Variants in CACNA1B observed in about 807,000 individuals in gnomAD.
The protein encoded by CACNA1B is voltage-dependent N-type calcium channel subunit alpha-1B.
In CACNA1B, 70 loss-of-function variants were observed where a neutral mutation model predicts 247.2. The observed-to-expected ratio is 0.28, with a 90% confidence interval of 0.23 to 0.35. The LOEUF (loss-of-function observed/expected upper bound fraction) is 0.35. Ranked by LOEUF, CACNA1B falls within the 10% of genes least tolerant of loss-of-function variation. The pLI, the probability that CACNA1B is intolerant of heterozygous loss-of-function variation, is 1.00. For missense variants in CACNA1B, 2,367 were observed against 3,197.4 expected (o/e 0.74, Z 6.26); for synonymous variants, 1,231 against 1,294.4 (o/e 0.95, Z 1.05).
At chr9:137,975,097 G>T (rs1033126536) in intron 11 of CACNA1B, among the ~76,000 whole-genome samples, 52 of 152,156 alleles carry the variant, frequency 3.4e-4, no homozygotes, top group African/African-American at 1.2e-3. Context: ...CCCTCTTTCT[G>T]CTTGGGCTGG....
intron 36 of CACNA1B, among the ~76,000 whole-genome samples, chr9:138,084,812 C>T (rs374361760): frequency 1.3e-5 from 2 of 150,596 alleles, no homozygotes; most frequent in Admixed American, 6.6e-5. Flanking sequence ...ATTAGCCGGG[C>T]GCGGTGGTGG....
Position 138,020,663 on chromosome 9 carries a change from C to A in CACNA1B, c.2268-2348C>A, listed in dbSNP as rs1178653062. On this transcript the variant is annotated intron_variant, in intron 18 of 46. Transcript: ENST00000371372. This position sits in a 1 kb window ranked among gnomAD's most constrained non-coding sequence, Gnocchi z 4.1. ...AACAGGCCAGGTGGAACCAGTGGGG[C>A]TGCGGGGGGCGGGCAGGTGCCCTAG... 7.9e-5 allele frequency among the ~76,000 whole-genome samples: 12 copies of A among 152,140 alleles called. No homozygotes were observed. The highest frequency in any genetic ancestry group is 7.9e-4 in the Admixed American group (12 of 15,276).
chr9:137,933,045 G>A (rs1204181998), intron 6 of CACNA1B, among the ~76,000 whole-genome samples: 1 of 152,116 alleles, frequency 6.6e-6, no homozygotes, highest in Non-Finnish European at 1.5e-5. Flanking sequence ...CGATTCTTCT[G>A]CCTCAGCCTC....
chr9:138,112,349 C>A, intron 39 of CACNA1B, 49 bp from the exon 40 acceptor site: 1 of 1,396,800 alleles, frequency 7.2e-7, no homozygotes, highest in Non-Finnish European at 1.0e-6. Context: ...TGCAGGGCTG[C>A]TCCTAACATC....
intron 6 of CACNA1B, among the ~76,000 whole-genome samples, chr9:137,946,172 T>C (rs1248469550): frequency 6.6e-6 from 1 of 152,164 alleles, no homozygotes; most frequent in Non-Finnish European, 1.5e-5. Flanking sequence ...GAATTTACCA[T>C]ACAAGATGCC....
chr9:138,001,314 A>G (rs940737718), intron 15 of CACNA1B, among the ~76,000 whole-genome samples: 4 of 86,346 alleles, frequency 4.6e-5, no homozygotes, highest in Non-Finnish European at 8.3e-5. Flanking sequence ...CAAAAACCCT[A>G]CAACCAGGAT....
intron 36 of CACNA1B, among the ~76,000 whole-genome samples, chr9:138,078,822 A>G (rs1198067981): frequency 1.3e-5 from 2 of 152,204 alleles, no homozygotes; most frequent in Non-Finnish European, 2.9e-5. Flanking sequence ...ATTAGGCTGC[A>G]TTTTAAAAGT....
At chr9:137,980,465 G>A (rs1010209524) in intron 12 of CACNA1B, among the ~76,000 whole-genome samples, 9 of 152,348 alleles carry the variant, frequency 5.9e-5, no homozygotes, top group Admixed American at 5.9e-4. Flanking sequence ...AAAAGTCACA[G>A]TCTTGCCCTT....
chr9:138,092,127 G>A (rs941863839), intron 36 of CACNA1B, among the ~76,000 whole-genome samples: 3 of 152,204 alleles, frequency 2.0e-5, no homozygotes, highest in Admixed American at 2.0e-4. Context: ...TTACTGATGA[G>A]GTTCCATGTC....
rs1400428022 is a variant in CACNA1B at position 137,884,968 on chromosome 9, CTCCT to C, written c.530+2086_530+2089del. The stretch of plus-strand genomic sequence containing the variant: ...CTCCTCTCCCCTCTTCCCCCCCCCC[CTCCT>C]CCCACTTTGCCTGTCTAGCCCTTTG... On this transcript the variant is annotated intron_variant, in intron 3 of 46. Coordinates refer to ENST00000371372, the MANE Select transcript of CACNA1B (RefSeq NM_000718.4). Among the ~76,000 whole-genome samples the C allele has an allele frequency of 6.7e-3, 740 of 111,174 alleles. 10 individuals carry two copies. Among genetic ancestry groups the C allele is most frequent in the African/African-American group, 0.023 (699 of 30,364 alleles). 72.9% of individuals were successfully genotyped at this position (111,174 alleles called of 152,430 possible).
intron 38 of CACNA1B, among the ~76,000 whole-genome samples, chr9:138,104,559 G>A (rs1213100593): frequency 6.6e-6 from 1 of 152,198 alleles, no homozygotes; most frequent in Non-Finnish European, 1.5e-5. Flanking sequence ...GCCAGCATTC[G>A]GGGCCAGAGT....
chr9:137,987,334 C>T (rs1013140793), intron 15 of CACNA1B, among the ~76,000 whole-genome samples: 5 of 152,300 alleles, frequency 3.3e-5, no homozygotes, highest in African/African-American at 4.8e-5. Context: ...TTCTCTACGA[C>T]GGAGACCTTG....
chr9:138,005,311 A>T (rs555271994), intron 15 of CACNA1B, among the ~76,000 whole-genome samples: 4 of 152,266 alleles, frequency 2.6e-5, no homozygotes, highest in Admixed American at 6.5e-5. Flanking sequence ...TGTCATTTGC[A>T]GCAACATGGA....
intron 12 of CACNA1B, among the ~76,000 whole-genome samples, chr9:137,978,295 G>GC (rs1417487425): frequency 1.5e-5 from 2 of 129,630 alleles, no homozygotes; most frequent in Non-Finnish European, 3.3e-5. Context: ...TGGGAGCACT[G>GC]CCCCCCCAGG....
intron 3 of CACNA1B, among the ~76,000 whole-genome samples, chr9:137,894,650 C>T (rs546828668): frequency 4.8e-4 from 73 of 152,140 alleles, no homozygotes; most frequent in African/African-American, 1.2e-3. Flanking sequence ...CCTCGTGATC[C>T]GCCCACCTCG....
At chr9:138,009,013 G>A (rs1431954977) in intron 16 of CACNA1B, among the ~76,000 whole-genome samples, 1 of 152,240 alleles carries the variant, frequency 6.6e-6, no homozygotes, top group Non-Finnish European at 1.5e-5. Context: ...TCGGGGTCCT[G>A]ACTATGTTTG....
At chr9:138,047,066 G>A (rs1470367028) in intron 22 of CACNA1B, 33 bp downstream of exon 22, 2 of 1,580,880 alleles carry the variant, frequency 1.3e-6, no homozygotes, top group African/African-American at 1.3e-5. Flanking sequence ...TCCCCGCCAG[G>A]CTGTGGCGGG....
At position 137,955,900 on chromosome 9, in the gene CACNA1B, C is replaced by T. The variant is rs944816003; in HGVS notation, c.1186+87C>T. 8 of 892,916 alleles carry T rather than the reference C, an allele frequency of 9.0e-6. No homozygotes were observed. The highest frequency in any genetic ancestry group is 6.2e-5 in the Admixed American group (3 of 48,590). The allele number at this position is 892,916 out of a possible 1,614,324, so 55.3% of individuals were successfully genotyped here. On this transcript the variant is annotated intron_variant, in intron 8 of 46. Transcript: ENST00000371372. This position sits in a 1 kb window ranked among gnomAD's most constrained non-coding sequence, Gnocchi z 6.9. ...TCTGCTCTGCTGCCAGCTGGGGTGC[C>T]CTGGCTGCTGGGTAGAGCCTGAAGG...
chr9:137,962,645 CA>C (rs1460430025), intron 10 of CACNA1B, among the ~76,000 whole-genome samples: 1 of 152,118 alleles, frequency 6.6e-6, no homozygotes, highest in Non-Finnish European at 1.5e-5. Flanking sequence ...ATTATTTACC[CA>C]AAATTCATTC....
Sources: allele counts gnomAD v4.1 joint callset (sites outside exome capture counted in the v4.1 genomes callset), GRCh38; gene constraint gnomAD v4.1.1; non-coding constraint Gnocchi (gnomAD v3.1); transcripts MANE v1.5; gene names NCBI Gene and HGNC (gene_info 2026-07-23, HGNC 2026-07-21).